ROS1: variants seen among roughly 807,000 people sequenced by gnomAD.
ROS1 encodes the protein ROS proto-oncogene 1, receptor tyrosine kinase, also known as proto-oncogene tyrosine-protein kinase ROS.
ROS1 carries 263 observed loss-of-function variants against 273.5 expected under a neutral mutation model. The observed-to-expected ratio is 0.96, with a 90% confidence interval of 0.87 to 1.06. The LOEUF (loss-of-function observed/expected upper bound fraction) is 1.06, where lower values mean the gene tolerates loss of function less well. Ranked by LOEUF, ROS1 falls within the 50% of genes least tolerant of loss-of-function variation. ROS1 has a pLI of 0.00. For synonymous variants in ROS1, 1,008 were observed against 954.1 expected, an observed-to-expected ratio of 1.06 and a Z score of -1.04; for missense variants, 2,833 against 2,751.1, an observed-to-expected ratio of 1.03 and a Z score of -0.67.
Position 117,425,467 on chromosome 6 carries a change from G to C in ROS1, c.123+67C>G, listed in dbSNP as rs1016962414. The C allele has an allele frequency of 8.9e-6, 13 of 1,466,156 alleles. No individual in the cohort carries two copies. In the African/African-American group the frequency reaches 1.9e-4, roughly 21 times the overall value. The allele number at this position is 1,466,156 out of a possible 1,614,324, so 90.8% of individuals were successfully genotyped here. ...TCATAAAGAGAAAACAATTCTATCA[G>C]TTATAACAAGCTGAATGCTACATGT... On this transcript the variant is annotated intron_variant, in intron 1 of 43. Coordinates refer to ENST00000368507, the MANE Select transcript of ROS1 (RefSeq NM_001378902.1).
intron 4 of ROS1, among the ~76,000 whole-genome samples, chr6:117,410,573 C>G (rs1040861837): frequency 1.3e-5 from 2 of 152,098 alleles, no homozygotes; most frequent in Non-Finnish European, 2.9e-5. Flanking sequence ...TTAACATCAG[C>G]TACAAAACAC....
At chr6:117,424,019 C>T (rs1401322075) in intron 1 of ROS1, among the ~76,000 whole-genome samples, 1 of 150,612 alleles carries the variant, frequency 6.6e-6, no homozygotes, top group Non-Finnish European at 1.5e-5. Context: ...AACAAAGGAA[C>T]AAACTGTCTA....
rs1773576842 is a variant in ROS1, at chr6:117,288,316, G to A, written c.*176C>T. On this transcript the variant is annotated 3_prime_UTR_variant, in exon 44 of 44. Coordinates refer to ENST00000368507, the MANE Select transcript of ROS1 (RefSeq NM_001378902.1). ...ACTGAAAGTCAGGCAGCTGGTATGG[G>A]GATTGCTACAACTGAAACCAAATGG... 1 of 612,870 alleles carries A rather than the reference G, an allele frequency of 1.6e-6. No homozygotes were observed. The highest frequency in any genetic ancestry group is 2.8e-6 in the Non-Finnish European group (1 of 353,148). The allele number at this position is 612,870 out of a possible 1,614,324, so 38.0% of individuals were successfully genotyped here. A position where few individuals can be genotyped will look rare whatever the true frequency, so the allele number is the denominator to read the frequency against.
chr6:117,385,924 C>A, intron 15 of ROS1, 63 bp from the exon 16 acceptor site: 1 of 1,274,564 alleles, frequency 7.8e-7, no homozygotes, highest in South Asian at 1.2e-5. Context: ...CATAATGAGT[C>A]AACAAATCAC....
At chr6:117,378,390 A>G (rs1218288246) in intron 18 of ROS1, among the ~76,000 whole-genome samples, 1 of 152,212 alleles carries the variant, frequency 6.6e-6, no homozygotes, top group African/African-American at 2.4e-5. Flanking sequence ...ATTGTATGCC[A>G]AGTAAAAGAA....
chr6:117,321,442 T>C (rs1269880626), intron 35 of ROS1, 48 bp from the exon 36 acceptor site: 16 of 1,516,598 alleles, frequency 1.1e-5, no homozygotes, highest in Non-Finnish European at 1.2e-5. Flanking sequence ...TATTGCTTCT[T>C]TTTTCCTTTA....
At chr6:117,422,530 T>C (rs966809176) in intron 1 of ROS1, among the ~76,000 whole-genome samples, 3 of 152,188 alleles carry the variant, frequency 2.0e-5, no homozygotes, top group African/African-American at 7.2e-5. Context: ...TTTGTAAATA[T>C]TTTATAAAAT....
chr6:117,336,037 T>G (rs546553635), intron 32 of ROS1, among the ~76,000 whole-genome samples: 9 of 152,312 alleles, frequency 5.9e-5, no homozygotes, highest in Admixed American at 4.6e-4. Flanking sequence ...AAGTTTTTAT[T>G]AGTGATGGAT....
At chr6:117,389,299 T>C (rs756031990) in intron 13 of ROS1, 51 bp downstream of exon 13, 43 of 1,543,058 alleles carry the variant, frequency 2.8e-5, no homozygotes, top group Non-Finnish European at 3.4e-5. Context: ...AGTTCAAACC[T>C]TCCTCTTATT....
At chr6:117,396,887 A>G (rs779037981) in intron 8 of ROS1, 28 bp downstream of exon 8, 15 of 1,497,070 alleles carry the variant, frequency 1.0e-5, no homozygotes, top group Non-Finnish European at 1.4e-5. Flanking sequence ...TGCTGGTTAC[A>G]TTTTCCTCTG....
At position 117,342,552 on chromosome 6, in the gene ROS1, T is replaced by C; in HGVS notation, c.4507-8A>G. On this transcript the variant is annotated splice_polypyrimidine_tract_variant and splice_region_variant and intron_variant, in intron 28 of 43. Transcript: ENST00000368507. ...TATACTGTCCTGAAATTCCTGTAAT[T>C]GATTTTTTAAAAATCAACATCTTAT... 1 of 1,457,944 alleles carries C rather than the reference T, an allele frequency of 6.9e-7. No homozygotes were observed. The highest frequency in any genetic ancestry group is 9.2e-7 in the Non-Finnish European group (1 of 1,086,500). 90.3% of individuals were successfully genotyped at this position (1,457,944 alleles called of 1,614,324 possible). A position where few individuals can be genotyped will look rare whatever the true frequency, so the allele number is the denominator to read the frequency against.
At chr6:117,349,450 T>C (rs61077141) in intron 27 of ROS1, among the ~76,000 whole-genome samples, 16,747 of 151,998 alleles carry the variant, frequency 0.11, 979 homozygotes, top group Middle Eastern at 0.15. Flanking sequence ...ATCTATATGA[T>C]GTGTCTTTAT....
In ROS1 at chr6:117,394,743, A is replaced by T; in HGVS notation, c.884-5T>A. The T allele has an allele frequency of 6.2e-7, 1 of 1,606,582 alleles. No individual in the cohort carries two copies. Among genetic ancestry groups the T allele is most frequent in the Non-Finnish European group, 8.5e-7 (1 of 1,176,804 alleles). ...GCCACTGTTCCTCTTGTTGAACTGA[A>T]AAAAACAACACAATTTGCAGACAGG... is the stretch of plus-strand genomic sequence containing the variant. On this transcript the variant is annotated splice_region_variant and splice_polypyrimidine_tract_variant and intron_variant, in intron 9 of 43. Coordinates refer to ENST00000368507, the MANE Select transcript of ROS1 (RefSeq NM_001378902.1).
At chr6:117,405,736 A>T in intron 5 of ROS1, among the ~76,000 whole-genome samples, 1 of 152,186 alleles carries the variant, frequency 6.6e-6, no homozygotes, top group East Asian at 1.9e-4. Flanking sequence ...GAAAAAGGGA[A>T]GCTAGACTGA....
intron 39 of ROS1, among the ~76,000 whole-genome samples, chr6:117,312,549 T>TGC (rs1775620540): frequency 6.6e-6 from 1 of 152,128 alleles, no homozygotes. Context: ...AACCCTGCTC[T>TGC]GCTCTTGACA....
At position 117,373,369 on chromosome 6, in the gene ROS1, C is replaced by T. The variant is rs1192671025; in HGVS notation, c.2582+5690G>A. On this transcript the variant is annotated intron_variant, in intron 18 of 43. Transcript: ENST00000368507. ...GCACCCATCAGGGAGGCTCGGGCTG[C>T]GCGGAAGCCCACCACGGGGGGACTT... Among the ~76,000 whole-genome samples the T allele has an allele frequency of 1.4e-4, 22 of 152,346 alleles. 1 individual carries two copies. Among genetic ancestry groups the T allele is most frequent in the Middle Eastern group, 3.4e-3 (1 of 294 alleles).
At chr6:117,375,179 G>A (rs1025599497) in intron 18 of ROS1, among the ~76,000 whole-genome samples, 44 of 152,212 alleles carry the variant, frequency 2.9e-4, no homozygotes, top group Non-Finnish European at 4.6e-4. Flanking sequence ...TATTCTAAGT[G>A]AAGTAACCAG....
chr6:117,304,995 T>C (rs1774999482), intron 42 of ROS1, among the ~76,000 whole-genome samples: 1 of 152,124 alleles, frequency 6.6e-6, no homozygotes, highest in East Asian at 1.9e-4. Flanking sequence ...ATTGTAAGCT[T>C]CCTGAGGCCT....
In ROS1 at chr6:117,391,780, C is replaced by G. The variant is rs530646672; in HGVS notation, c.1289+1444G>C. 5.2e-4 allele frequency among the ~76,000 whole-genome samples: 79 copies of G among 152,282 alleles called. 1 individual carries two copies. The highest frequency in any genetic ancestry group is 6.8e-3 in the Middle Eastern group (2 of 294). On this transcript the variant is annotated intron_variant, in intron 12 of 43. Transcript: ENST00000368507. ...TGGTTCCACTGGTTCCATCGCAAAA[C>G]AGCTGTATAATCTTAGACAATTACG...
Sources: gnomAD v4.1 joint callset for allele counts (sites outside exome capture counted in the v4.1 genomes callset) on GRCh38, gnomAD v4.1.1 for gene constraint, MANE v1.5 for transcripts, NCBI Gene and HGNC (gene_info 2026-07-23, HGNC 2026-07-21) for gene names.